CCDC91: variants seen among roughly 807,000 people sequenced by gnomAD.
The protein encoded by CCDC91 is coiled-coil domain containing 91.
In CCDC91, 48 loss-of-function variants were observed where a neutral mutation model predicts 63.2. That is an observed-to-expected ratio of 0.76 (90% CI 0.60 to 0.97). The LOEUF (loss-of-function observed/expected upper bound fraction) is 0.97. CCDC91 is among the 50% of genes least tolerant of loss of function. CCDC91 has a pLI of 0.00. For synonymous variants in CCDC91, 167 were observed against 165.8 expected (o/e 1.01, Z -0.06); for missense variants, 500 against 494.6 (o/e 1.01, Z -0.10).
chr12:28,415,716 A>G (rs1382175129), intron 8 of CCDC91, among the ~76,000 whole-genome samples: 3 of 151,990 alleles, frequency 2.0e-5, no homozygotes, highest in Non-Finnish European at 2.9e-5. Context: ...ACAGAAAAAA[A>G]TATTTTGAGT....
intron 7 of CCDC91, 93 bp downstream of exon 7, chr12:28,362,608 A>C (rs1417108510): frequency 1.5e-6 from 1 of 660,028 alleles, no homozygotes. Context: ...TACAAATTAT[A>C]TGTGTAGTCT....
intron 7 of CCDC91, among the ~76,000 whole-genome samples, chr12:28,369,651 C>A (rs1944487477): frequency 6.6e-6 from 1 of 152,226 alleles, no homozygotes; most frequent in South Asian, 2.1e-4. Flanking sequence ...CTTCTGCACT[C>A]CCCTAGTAGA....
intron 6 of CCDC91, among the ~76,000 whole-genome samples, chr12:28,350,785 T>G (rs1403207171): frequency 6.6e-6 from 1 of 152,186 alleles, no homozygotes; most frequent in African/African-American, 2.4e-5. Context: ...GCAGTATGAC[T>G]GACTCCAATT....
chr12:28,201,512 CG>C lies in CCDC91; in HGVS notation c.-15+10873del, dbSNP rs869027950. Among the ~76,000 whole-genome samples, 3 of 137,840 alleles carry C rather than the reference CG, an allele frequency of 2.2e-5. 1 individual carries two copies. Among genetic ancestry groups the C allele is most frequent in the Non-Finnish European group, 4.9e-5 (3 of 61,358 alleles). 90.4% of individuals were successfully genotyped at this position (137,840 alleles called of 152,430 possible). On this transcript the variant is annotated intron_variant, in intron 1 of 12. Coordinates refer to ENST00000536442, the MANE Select transcript of CCDC91 (RefSeq NM_018318.5). ...GCTCGTCACTTCCTAGATGGGATGG[CG>C]GCCGGGCAGAGACGCTCCTCACTTT...
chr12:28,417,009 T>A (rs966301589), intron 8 of CCDC91, among the ~76,000 whole-genome samples: 1 of 152,082 alleles, frequency 6.6e-6, no homozygotes, highest in Non-Finnish European at 1.5e-5. Flanking sequence ...TGTATATGGA[T>A]CTCTTGAGCC....
intron 1 of CCDC91, among the ~76,000 whole-genome samples, chr12:28,205,482 A>T (rs1942777118): frequency 6.6e-6 from 1 of 152,202 alleles, no homozygotes; most frequent in South Asian, 2.1e-4. Flanking sequence ...GAAAAACTTC[A>T]GCCAAATTAA....
At chr12:28,313,146 G>A (rs1939495618) in intron 6 of CCDC91, among the ~76,000 whole-genome samples, 1 of 151,758 alleles carries the variant, frequency 6.6e-6, no homozygotes, top group South Asian at 2.1e-4. Context: ...TTAAATGTCT[G>A]TGAAGCTTAA....
chr12:28,546,752 A>T (rs1943017042), intron 12 of CCDC91, among the ~76,000 whole-genome samples: 1 of 152,106 alleles, frequency 6.6e-6, no homozygotes, highest in Admixed American at 6.6e-5. Context: ...AAGGAAAAAA[A>T]AACAAGAGAC....
chr12:28,485,193 C>G (rs1394498802), intron 12 of CCDC91, among the ~76,000 whole-genome samples: 1 of 151,072 alleles, frequency 6.6e-6, no homozygotes, highest in African/African-American at 2.4e-5. Flanking sequence ...GAGGCTTGCT[C>G]TGTTGCCCAG....
chr12:28,382,603 C>G (rs1945362243), intron 7 of CCDC91, among the ~76,000 whole-genome samples: 1 of 152,006 alleles, frequency 6.6e-6, no homozygotes, highest in Non-Finnish European at 1.5e-5. Flanking sequence ...CACATGTAAC[C>G]AACAGAAGAG....
chr12:28,311,343 C>T (rs1417915670), intron 6 of CCDC91, among the ~76,000 whole-genome samples: 2 of 152,022 alleles, frequency 1.3e-5, no homozygotes, highest in Admixed American at 1.3e-4. Flanking sequence ...TCCCACTCAG[C>T]TTCCTCTGAC....
intron 1 of CCDC91, among the ~76,000 whole-genome samples, chr12:28,255,257 G>A (rs1441827656): frequency 6.6e-6 from 1 of 152,008 alleles, no homozygotes; most frequent in Non-Finnish European, 1.5e-5. Flanking sequence ...ATAGTTTATT[G>A]GGAAGTGACT....
At chr12:28,522,281 T>G (rs1940769912) in intron 12 of CCDC91, among the ~76,000 whole-genome samples, 1 of 152,220 alleles carries the variant, frequency 6.6e-6, no homozygotes, top group Admixed American at 6.5e-5. Context: ...GGATTCAACT[T>G]CTTCCTGGTT....
At chr12:28,500,765 G>C (rs759323448) in intron 12 of CCDC91, among the ~76,000 whole-genome samples, 18 of 151,614 alleles carry the variant, frequency 1.2e-4, no homozygotes, top group Admixed American at 3.3e-4. Context: ...TCTCAGAATA[G>C]ATGTATTCCA....
chr12:28,305,941 GA>G, intron 4 of CCDC91, 135 bp downstream of exon 4: 1 of 714,298 alleles, frequency 1.4e-6, no homozygotes, highest in East Asian at 2.9e-5. Flanking sequence ...TTCTAATTTT[GA>G]GGCTAATACT....
chr12:28,345,864 T>C (rs1942774881), intron 6 of CCDC91, among the ~76,000 whole-genome samples: 1 of 152,160 alleles, frequency 6.6e-6, no homozygotes, highest in East Asian at 1.9e-4. Flanking sequence ...TTTGACTAGA[T>C]CAGTATTCAG....
intron 1 of CCDC91, among the ~76,000 whole-genome samples, chr12:28,196,151 G>A (rs1462796315): frequency 7.1e-6 from 1 of 140,160 alleles, no homozygotes; most frequent in Non-Finnish European, 1.6e-5. Context: ...TTTGGTCTTT[G>A]ATTTCTCTCT....
intron 1 of CCDC91, among the ~76,000 whole-genome samples, chr12:28,253,137 G>T (rs1232269124): frequency 6.6e-6 from 1 of 152,132 alleles, no homozygotes; most frequent in Non-Finnish European, 1.5e-5. Context: ...TTGTGGGTGG[G>T]ATTTGTCAAA....
At chr12:28,402,706 A>G (rs1046561749) in intron 8 of CCDC91, among the ~76,000 whole-genome samples, 4 of 152,160 alleles carry the variant, frequency 2.6e-5, no homozygotes, top group South Asian at 2.1e-4. Context: ...CGAGAAAGGG[A>G]ATACTTGCCT....
Sources: gnomAD v4.1 joint callset for allele counts (sites outside exome capture counted in the v4.1 genomes callset) on GRCh38, gnomAD v4.1.1 for gene constraint, MANE v1.5 for transcripts, NCBI Gene and HGNC (gene_info 2026-07-23, HGNC 2026-07-21) for gene names.